The following TBC1D22A variants were observed in gnomAD, a reference collection of about 807,000 sequenced individuals.
TBC1D22A encodes the protein putative GTPase activator.
TBC1D22A carries 38 observed loss-of-function variants against 60.2 expected under a neutral mutation model. The ratio of observed to expected loss-of-function variants is 0.63; its 90% CI spans 0.49 to 0.83. TBC1D22A has a LOEUF of 0.83. Among genes scored for constraint, TBC1D22A ranks in the 40% least tolerant of loss-of-function variants. TBC1D22A has a pLI of 0.00. For synonymous variants in TBC1D22A, 302 were observed against 281.7 expected (o/e 1.07, Z -0.72); for missense variants, 628 against 701.0 (o/e 0.90, Z 1.18).
intron 1 of TBC1D22A, among the ~76,000 whole-genome samples, chr22:46,778,623 G>A (rs922720188): frequency 6.6e-6 from 1 of 152,166 alleles, no homozygotes; most frequent in African/African-American, 2.4e-5. Flanking sequence ...CATCTTCCAT[G>A]ATAACATTGC....
At chr22:47,097,988 T>C (rs2147654302) in intron 11 of TBC1D22A, among the ~76,000 whole-genome samples, 1 of 152,216 alleles carries the variant, frequency 6.6e-6, no homozygotes, top group South Asian at 2.1e-4. Flanking sequence ...CCTGCTACTG[T>C]GCAGCTGTCC....
intron 12 of TBC1D22A, among the ~76,000 whole-genome samples, chr22:47,142,235 A>AACCCATCCATCCATTCACCCACCC (rs2067113203): frequency 3.2e-5 from 1 of 31,340 alleles, no homozygotes; most frequent in African/African-American, 1.3e-4. Flanking sequence ...TTCACCCACC[A>AACCCATCCATCCATTCACCCACCC]ACCCATCCAT....
At chr22:46,999,098 T>C (rs1251642190) in intron 10 of TBC1D22A, among the ~76,000 whole-genome samples, 1 of 152,262 alleles carries the variant, frequency 6.6e-6, no homozygotes, top group African/African-American at 2.4e-5. Context: ...GGAAGGCGTA[T>C]TTCGTGTTTT....
intron 12 of TBC1D22A, among the ~76,000 whole-genome samples, chr22:47,162,387 C>T (rs1368662359): frequency 6.6e-6 from 1 of 152,052 alleles, no homozygotes; most frequent in Non-Finnish European, 1.5e-5. Context: ...TTGACTGAGG[C>T]CCCCGTGGAG....
At chr22:46,803,946 C>T (rs986476622) in intron 4 of TBC1D22A, among the ~76,000 whole-genome samples, 2 of 152,228 alleles carry the variant, frequency 1.3e-5, no homozygotes, top group Non-Finnish European at 2.9e-5. Flanking sequence ...TTTGATGGTT[C>T]GCTGACTCTT....
At chr22:47,097,118 A>T (rs1411902642) in intron 11 of TBC1D22A, among the ~76,000 whole-genome samples, 1 of 152,028 alleles carries the variant, frequency 6.6e-6, no homozygotes, top group East Asian at 1.9e-4. Flanking sequence ...CCTCTGTTCC[A>T]CTGCTCTTTC....
At chr22:47,080,596 C>T (rs2064421737) in intron 11 of TBC1D22A, among the ~76,000 whole-genome samples, 1 of 144,274 alleles carries the variant, frequency 6.9e-6, no homozygotes, top group Admixed American at 7.3e-5. Flanking sequence ...TAAAGCAGTG[C>T]TTGGGGAGCT....
intron 4 of TBC1D22A, among the ~76,000 whole-genome samples, chr22:46,856,111 G>A (rs1489064802): frequency 6.6e-6 from 1 of 152,178 alleles, no homozygotes; most frequent in East Asian, 1.9e-4. Flanking sequence ...GCTTCTAAAG[G>A]GTGACAGGTG....
chr22:46,907,559 G>A (rs1405167762), intron 7 of TBC1D22A, among the ~76,000 whole-genome samples: 1 of 152,230 alleles, frequency 6.6e-6, no homozygotes, highest in Admixed American at 6.5e-5. Flanking sequence ...CACATGCAGG[G>A]CATCAGGGAG....
chr22:47,081,200 A>G (rs1211141884), intron 11 of TBC1D22A, among the ~76,000 whole-genome samples: 19 of 152,068 alleles, frequency 1.2e-4, no homozygotes, highest in Admixed American at 1.2e-3. Flanking sequence ...TTACCCTTCC[A>G]AAATCTACCC....
intron 12 of TBC1D22A, among the ~76,000 whole-genome samples, chr22:47,151,574 C>T (rs1052585767): frequency 1.3e-5 from 2 of 152,188 alleles, no homozygotes; most frequent in Admixed American, 6.5e-5. Flanking sequence ...TGGGCTCCCT[C>T]GTGGCCCCTC....
intron 12 of TBC1D22A, among the ~76,000 whole-genome samples, chr22:47,122,293 C>T (rs891008430): frequency 9.9e-5 from 15 of 152,176 alleles, no homozygotes; most frequent in Admixed American, 3.9e-4. Context: ...GCCACCATGA[C>T]GAGGTTTCCC....
rs2069476413 is a variant in TBC1D22A, at chr22:46,906,484, C to T, written c.901-5590C>T. ...CACAGCTTGCAGGCAGCACATCCCT[C>T]AGCAGGAAAGACGCTCAGGCCTCCT... On this transcript the variant is annotated intron_variant, in intron 7 of 12. Transcript: ENST00000337137. 3.3e-5 allele frequency among the ~76,000 whole-genome samples: 5 copies of T among 152,226 alleles called. No individual in the cohort carries two copies. The South Asian group carries it at 1.0e-3, about 31-fold the overall frequency.
At chr22:46,889,748 G>C (rs776147813) in intron 5 of TBC1D22A, among the ~76,000 whole-genome samples, 4 of 151,832 alleles carry the variant, frequency 2.6e-5, no homozygotes, top group Non-Finnish European at 5.9e-5. Flanking sequence ...CGATGTGTAG[G>C]TCCTGAGTGA....
At chr22:46,772,841 G>A (rs1428997083) in intron 1 of TBC1D22A, among the ~76,000 whole-genome samples, 1 of 151,896 alleles carries the variant, frequency 6.6e-6, no homozygotes, top group African/African-American at 2.4e-5. Context: ...TGTTGGCCAG[G>A]ATGATCTCCA....
At chr22:46,882,727 A>C (rs2067914241) in intron 5 of TBC1D22A, among the ~76,000 whole-genome samples, 1 of 152,222 alleles carries the variant, frequency 6.6e-6, no homozygotes, top group African/African-American at 2.4e-5. Context: ...GTTAACAGTT[A>C]CGCCCAGAAT....
In TBC1D22A at chr22:46,990,504, A is replaced by G. The variant is rs1279480548; in HGVS notation, c.1126-7130A>G. On this transcript the variant is annotated intron_variant, in intron 9 of 12. Transcript: ENST00000337137. The surrounding 1 kb of genome is among the most constrained non-coding windows in gnomAD (Gnocchi z 4.6). ...CATATGTGTTACAATTGAGGAGCCA[A>G]TATCGATACATTATTGTCAACTAAA... Among the ~76,000 whole-genome samples, 3 of 152,126 alleles carry G rather than the reference A, an allele frequency of 2.0e-5. No homozygotes were observed. Among genetic ancestry groups the G allele is most frequent in the Non-Finnish European group, 4.4e-5 (3 of 68,030 alleles).
chr22:47,019,747 C>T (rs1331120259), intron 10 of TBC1D22A, among the ~76,000 whole-genome samples: 1 of 152,030 alleles, frequency 6.6e-6, no homozygotes, highest in African/African-American at 2.4e-5. Context: ...CCATCCTACC[C>T]ATCCATCCCT....
chr22:46,919,370 T>C (rs928418290), intron 8 of TBC1D22A, among the ~76,000 whole-genome samples: 2 of 152,226 alleles, frequency 1.3e-5, no homozygotes, highest in African/African-American at 4.8e-5. Flanking sequence ...CGTCTCCGGG[T>C]ACGGACGCAG....
Sources: gnomAD v4.1 joint callset for allele counts (sites outside exome capture counted in the v4.1 genomes callset) on GRCh38, gnomAD v4.1.1 for gene constraint, Gnocchi (gnomAD v3.1) non-coding constraint, MANE v1.5 for transcripts, NCBI Gene and HGNC (gene_info 2026-07-23, HGNC 2026-07-21) for gene names.